The following RUNX2 variants were observed in gnomAD, a reference collection of about 807,000 sequenced individuals.
RUNX2 encodes runt-related transcription factor 2.
A neutral mutation model predicts 51.7 loss-of-function variants in RUNX2; 10 were observed. The ratio of observed to expected loss-of-function variants is 0.19; its 90% CI spans 0.12 to 0.33. RUNX2 has a LOEUF of 0.33. RUNX2 is among the 10% of genes least tolerant of loss of function. The pLI is 1.00. For missense variants in RUNX2, 562 were observed against 691.3 expected (o/e 0.81, Z 2.10); for synonymous variants, 276 against 273.6 (o/e 1.01, Z -0.09).
rs915419582 is a variant in RUNX2, at chr6:45,550,235, G to A, written c.*2930G>A. On this transcript the variant is annotated 3_prime_UTR_variant, in exon 9 of 9. Transcript: ENST00000647337. Reference sequence around the variant, plus strand: ...CTCACAAATTTTAACCCATATCAGAGTTCCAGAACAGGTACCACAGCTTTG... The same window carrying A: ...CTCACAAATTTTAACCCATATCAGAATTCCAGAACAGGTACCACAGCTTTG... 6.6e-6 allele frequency: 1 copy of A among 152,550 alleles called. No individual in the cohort carries two copies. Among genetic ancestry groups the A allele is most frequent in the Admixed American group, 6.5e-5 (1 of 15,272 alleles). 9.4% of individuals were successfully genotyped at this position (152,550 alleles called of 1,614,324 possible).
chr6:45,514,497 C>G (rs1039060235), intron 7 of RUNX2, among the ~76,000 whole-genome samples: 1 of 152,156 alleles, frequency 6.6e-6, no homozygotes, highest in Non-Finnish European at 1.5e-5. Context: ...TCCTCCAACC[C>G]TTAACATTTC....
At chr6:45,406,649 G>A (rs911130873) in intron 2 of RUNX2, among the ~76,000 whole-genome samples, 2 of 152,000 alleles carry the variant, frequency 1.3e-5, no homozygotes, top group Admixed American at 1.3e-4. Context: ...CAAGTGATCC[G>A]CCCGCCTTGG....
chr6:45,496,548 A>G (rs1194349039), intron 6 of RUNX2, among the ~76,000 whole-genome samples: 1 of 152,188 alleles, frequency 6.6e-6, no homozygotes, highest in Non-Finnish European at 1.5e-5. Context: ...TTTTGATTGG[A>G]AAGTTGAGAA....
At chr6:45,504,902 G>A (rs957497499) in intron 6 of RUNX2, among the ~76,000 whole-genome samples, 4 of 152,146 alleles carry the variant, frequency 2.6e-5, no homozygotes, top group Non-Finnish European at 5.9e-5. Context: ...AAAATGGGTG[G>A]AGAATAAGGG....
At chr6:45,452,891 C>T (rs1249301614) in intron 5 of RUNX2, among the ~76,000 whole-genome samples, 2 of 152,164 alleles carry the variant, frequency 1.3e-5, no homozygotes, top group African/African-American at 4.8e-5. Context: ...AACTTGGGCT[C>T]CATGGCTCAT....
intron 2 of RUNX2, among the ~76,000 whole-genome samples, chr6:45,374,361 C>T (rs1796490067): frequency 6.6e-6 from 1 of 152,128 alleles, no homozygotes; most frequent in Non-Finnish European, 1.5e-5. Flanking sequence ...TTTAAATTAA[C>T]CTCTTATGAA....
chr6:45,485,261 G>T (rs1438096481), intron 5 of RUNX2, among the ~76,000 whole-genome samples: 2 of 148,670 alleles, frequency 1.3e-5, no homozygotes, highest in Non-Finnish European at 3.0e-5. Flanking sequence ...TTGTTGCAGT[G>T]GCTTGATCTC....
intron 2 of RUNX2, among the ~76,000 whole-genome samples, chr6:45,355,536 A>G (rs1792999202): frequency 6.6e-6 from 1 of 152,084 alleles, no homozygotes; most frequent in Admixed American, 6.6e-5. Flanking sequence ...TGCAGCTCCA[A>G]ACCTAGTCTT....
At chr6:45,542,884 C>A (rs1433778468) in intron 7 of RUNX2, among the ~76,000 whole-genome samples, 2 of 152,246 alleles carry the variant, frequency 1.3e-5, no homozygotes, top group East Asian at 1.9e-4. Context: ...TAAATGGCTT[C>A]TTTTCTCTAG....
rs564448474 is a variant in RUNX2, at chr6:45,358,657, C to A, written c.58+29873C>A. Among the ~76,000 whole-genome samples the A allele has an allele frequency of 5.9e-5, 9 of 152,204 alleles. No homozygotes were observed. The South Asian group carries it at 1.9e-3, about 32-fold the overall frequency. Reference sequence around the variant, plus strand: ...TCATCTCATTTAATCTTCGTACTAACCCTGTGAGGTAGATACAGGTTCACA... The same window carrying A: ...TCATCTCATTTAATCTTCGTACTAAACCTGTGAGGTAGATACAGGTTCACA... On this transcript the variant is annotated intron_variant, in intron 2 of 8. Coordinates refer to ENST00000647337, the MANE Select transcript of RUNX2 (RefSeq NM_001024630.4).
At chr6:45,444,141 C>T (rs566895034) in intron 5 of RUNX2, among the ~76,000 whole-genome samples, 10 of 152,350 alleles carry the variant, frequency 6.6e-5, no homozygotes, top group East Asian at 5.8e-4. Context: ...TGAGCCACTG[C>T]GCCTGGCCAA....
chr6:45,391,794 A>G (rs58394504), intron 2 of RUNX2, among the ~76,000 whole-genome samples: 2,075 of 152,310 alleles, frequency 0.014, 56 homozygotes, highest in African/African-American at 0.047. Flanking sequence ...CCATGATTCA[A>G]TTACCTCTAC....
intron 2 of RUNX2, among the ~76,000 whole-genome samples, chr6:45,353,433 A>G (rs1792489785): frequency 6.6e-6 from 1 of 152,102 alleles, no homozygotes; most frequent in Non-Finnish European, 1.5e-5. Flanking sequence ...ATAATGCAGT[A>G]CTGGCAAAGG....
At chr6:45,342,737 G>A (rs1014075110) in intron 2 of RUNX2, among the ~76,000 whole-genome samples, 1 of 147,848 alleles carries the variant, frequency 6.8e-6, no homozygotes, top group African/African-American at 2.5e-5. Context: ...TTAATAGTTT[G>A]CGTTAATGTT....
At chr6:45,435,413 G>A (rs777292439) in intron 4 of RUNX2, among the ~76,000 whole-genome samples, 9 of 151,970 alleles carry the variant, frequency 5.9e-5, no homozygotes, top group African/African-American at 2.2e-4. Context: ...GCTGGAGTGC[G>A]GTGGCACCAT....
At chr6:45,477,374 G>A (rs1799985655) in intron 5 of RUNX2, among the ~76,000 whole-genome samples, 1 of 152,120 alleles carries the variant, frequency 6.6e-6, no homozygotes, top group South Asian at 2.1e-4. Context: ...ACTTCAGACT[G>A]GTATTTCTAG....
intron 2 of RUNX2, among the ~76,000 whole-genome samples, chr6:45,335,985 C>A (rs899903456): frequency 5.3e-5 from 8 of 151,222 alleles, no homozygotes; most frequent in Non-Finnish European, 1.0e-4. Flanking sequence ...CAATGTGCTA[C>A]AGTGTATTTC....
At chr6:45,539,806 G>A (rs1484779492) in intron 7 of RUNX2, among the ~76,000 whole-genome samples, 1 of 152,212 alleles carries the variant, frequency 6.6e-6, no homozygotes, top group Non-Finnish European at 1.5e-5. Flanking sequence ...GGATCTGGAA[G>A]AAGAATATGT....
intron 3 of RUNX2, among the ~76,000 whole-genome samples, chr6:45,425,007 A>G (rs1798345861): frequency 6.6e-6 from 1 of 152,140 alleles, no homozygotes; most frequent in Non-Finnish European, 1.5e-5. Flanking sequence ...TTAGTCTTAT[A>G]TGAGAATGGA....
Sources: allele counts gnomAD v4.1 joint callset (sites outside exome capture counted in the v4.1 genomes callset), GRCh38; gene constraint gnomAD v4.1.1; transcripts MANE v1.5; gene names NCBI Gene and HGNC (gene_info 2026-07-23, HGNC 2026-07-21).